DLGAP2: variants seen among roughly 807,000 people sequenced by gnomAD.
DLGAP2 encodes disks large-associated protein 2.
Under a neutral mutation model 100.3 loss-of-function variants are expected in DLGAP2, and 26 were observed. That is an observed-to-expected ratio of 0.26 (90% CI 0.19 to 0.36). DLGAP2 has a LOEUF of 0.36. DLGAP2 is among the 10% of genes least tolerant of loss of function. The pLI is 1.00. For synonymous variants in DLGAP2, 886 were observed against 630.1 expected (o/e 1.41, Z -6.08); for missense variants, 1,858 against 1,453.2 (o/e 1.28, Z -4.53).
At chr8:1,041,524 G>GCCCCTTGCCGTGGGTGAGTGTTCTCCGAA (rs879824920) in intron 2 of DLGAP2, among the ~76,000 whole-genome samples, 111 of 151,042 alleles carry the variant, frequency 7.3e-4, no homozygotes, top group African/African-American at 2.5e-3. Flanking sequence ...TGTTCTCTGA[G>GCCCCTTGCCGTGGGTGAGTGTTCTCCGAA]CCCCTTGCCG....
chr8:789,958 T>C (rs1821983684), intron 1 of DLGAP2, among the ~76,000 whole-genome samples: 1 of 152,216 alleles, frequency 6.6e-6, no homozygotes, highest in East Asian at 1.9e-4. Context: ...ATCTCTGTTT[T>C]GTCCTGTGGA....
chr8:1,322,507 G>A (rs1181381354), intron 3 of DLGAP2, among the ~76,000 whole-genome samples: 7 of 151,104 alleles, frequency 4.6e-5, no homozygotes, highest in Non-Finnish European at 7.4e-5. Context: ...GACTTCACAC[G>A]TGTTGATCTG....
At chr8:880,689 G>C (rs1406885676) in intron 1 of DLGAP2, among the ~76,000 whole-genome samples, 2 of 151,990 alleles carry the variant, frequency 1.3e-5, no homozygotes, top group African/African-American at 4.8e-5. Flanking sequence ...ACCGTCCAGT[G>C]TGTGTCCCCT....
chr8:1,050,074 A>G (rs918194652), intron 2 of DLGAP2, among the ~76,000 whole-genome samples: 9 of 152,354 alleles, frequency 5.9e-5, no homozygotes, highest in African/African-American at 2.2e-4. Flanking sequence ...GTGTACACAC[A>G]TGCACAGGCA....
At chr8:1,330,186 C>G (rs1316273693) in intron 3 of DLGAP2, among the ~76,000 whole-genome samples, 1 of 151,912 alleles carries the variant, frequency 6.6e-6, no homozygotes, top group Non-Finnish European at 1.5e-5. Context: ...GGTGCTGACG[C>G]CCAGGGACTG....
At chr8:1,247,491 G>C (rs545692693) in intron 2 of DLGAP2, among the ~76,000 whole-genome samples, 12 of 69,104 alleles carry the variant, frequency 1.7e-4, no homozygotes, top group African/African-American at 9.4e-4. Flanking sequence ...TGGTGGCCGG[G>C]AAGACCTTTG....
intron 2 of DLGAP2, among the ~76,000 whole-genome samples, chr8:973,822 G>C (rs554530195): frequency 6.6e-6 from 1 of 150,992 alleles, no homozygotes; most frequent in African/African-American, 2.4e-5. Context: ...CCGTGGCCCC[G>C]CGGCGGTCCG....
At chr8:1,288,190 AGTGTGTGTGTGT>A (rs1179699312) in intron 3 of DLGAP2, among the ~76,000 whole-genome samples, 3 of 93,652 alleles carry the variant, frequency 3.2e-5, no homozygotes, top group East Asian at 7.8e-4. Context: ...GTTTCGGTTG[AGTGTGTGTGTGT>A]GTGTGTGTGT....
chr8:1,053,735 A>T (rs4735977), intron 2 of DLGAP2, among the ~76,000 whole-genome samples: 7,895 of 152,302 alleles, frequency 0.052, 342 homozygotes, highest in East Asian at 0.15. Context: ...ACAACCAAGC[A>T]AGTAACTGTG....
chr8:999,619 C>T (rs1218442791), intron 2 of DLGAP2, among the ~76,000 whole-genome samples: 1 of 151,894 alleles, frequency 6.6e-6, no homozygotes, highest in African/African-American at 2.4e-5. Flanking sequence ...GCTGGGATTA[C>T]AGGCGCCTGC....
intron 1 of DLGAP2, among the ~76,000 whole-genome samples, chr8:822,532 C>T (rs146759065): frequency 5.4e-4 from 82 of 152,292 alleles, no homozygotes; most frequent in African/African-American, 1.8e-3. Flanking sequence ...TTGAGAAATT[C>T]GGGAGGCCTG....
chr8:772,600 G>A (rs778114944), intron 1 of DLGAP2, among the ~76,000 whole-genome samples: 4 of 152,210 alleles, frequency 2.6e-5, no homozygotes, highest in Admixed American at 2.6e-4. Context: ...TGGGACTACA[G>A]GCATGAGCCA....
chr8:1,518,250 A>C (rs1443889174), intron 4 of DLGAP2, among the ~76,000 whole-genome samples: 1 of 152,150 alleles, frequency 6.6e-6, no homozygotes, highest in African/African-American at 2.4e-5. Flanking sequence ...ACTGCTCCCA[A>C]ATTGCATTCT....
chr8:1,641,440 T>A (rs1013778777), intron 8 of DLGAP2, among the ~76,000 whole-genome samples: 1 of 152,132 alleles, frequency 6.6e-6, no homozygotes, highest in South Asian at 2.1e-4. Context: ...GCTGGGATGA[T>A]CTCCCAGGTA....
At chr8:1,560,308 A>G (rs183254132) in intron 5 of DLGAP2, among the ~76,000 whole-genome samples, 4 of 152,198 alleles carry the variant, frequency 2.6e-5, no homozygotes, top group Non-Finnish European at 4.4e-5. Flanking sequence ...CTAAATGCAC[A>G]TTCTGGAATA....
At chr8:1,697,041 C>T in intron 13 of DLGAP2, 106 bp from the exon 14 acceptor site, 1 of 1,225,264 alleles carries the variant, frequency 8.2e-7, no homozygotes, top group South Asian at 2.1e-5. Flanking sequence ...AGCCAGGCTT[C>T]TCCCTAATCC....
At chr8:1,417,103 G>T (rs1404430691) in intron 3 of DLGAP2, among the ~76,000 whole-genome samples, 2 of 149,168 alleles carry the variant, frequency 1.3e-5, no homozygotes, top group Admixed American at 1.3e-4. Flanking sequence ...ATGGGGGGGT[G>T]GGGGGGAGAC....
intron 2 of DLGAP2, among the ~76,000 whole-genome samples, chr8:938,649 G>C (rs1030480799): frequency 2.0e-5 from 3 of 152,230 alleles, no homozygotes; most frequent in African/African-American, 4.8e-5. Context: ...CTGCTCAGAA[G>C]CCAGAGTGTG....
At chr8:895,409 T>C (rs1447879034) in intron 1 of DLGAP2, among the ~76,000 whole-genome samples, 1 of 152,180 alleles carries the variant, frequency 6.6e-6, no homozygotes, top group East Asian at 1.9e-4. Context: ...ACAGCAGCTC[T>C]TTCCACCTCT....
Sources: gnomAD v4.1 joint callset for allele counts (sites outside exome capture counted in the v4.1 genomes callset) on GRCh38, gnomAD v4.1.1 for gene constraint, MANE v1.5 for transcripts, NCBI Gene and HGNC (gene_info 2026-07-23, HGNC 2026-07-21) for gene names.